Variants in PDE4D observed in about 807,000 individuals in gnomAD.
PDE4D encodes phosphodiesterase 4D.
Under a neutral mutation model 87.4 loss-of-function variants are expected in PDE4D, and 24 were observed. That is an observed-to-expected ratio of 0.27 (90% CI 0.20 to 0.39). PDE4D has a LOEUF of 0.39. Among genes scored for constraint, PDE4D ranks in the 10% least tolerant of loss-of-function variants. The probability of loss-of-function intolerance (pLI) is 1.00; values close to 1 mark genes in which losing one functional copy is unlikely to be tolerated. For missense variants in PDE4D, 714 were observed against 1,041.0 expected (o/e 0.69, Z 4.32); for synonymous variants, 384 against 383.2 (o/e 1.00, Z -0.02).
At chr5:59,970,691 A>C (rs1396292110) in intron 3 of PDE4D, among the ~76,000 whole-genome samples, 1 of 141,084 alleles carries the variant, frequency 7.1e-6, no homozygotes, top group Non-Finnish European at 1.6e-5. Flanking sequence ...GGTGATCATT[A>C]AAAAGTCAGG....
At chr5:60,112,972 T>C (rs1395969042) in intron 2 of PDE4D, among the ~76,000 whole-genome samples, 1 of 152,082 alleles carries the variant, frequency 6.6e-6, no homozygotes, top group Non-Finnish European at 1.5e-5. Context: ...AGGGTGAGGG[T>C]TGGGCATCCA....
At chr5:59,136,918 AG>A (rs1285386249) in intron 5 of PDE4D, among the ~76,000 whole-genome samples, 1 of 152,200 alleles carries the variant, frequency 6.6e-6, no homozygotes, top group African/African-American at 2.4e-5. Flanking sequence ...AGGGAAAGGT[AG>A]GGTGACCAAC....
At chr5:60,427,050 A>G (rs1743783574) in intron 1 of PDE4D, among the ~76,000 whole-genome samples, 1 of 152,212 alleles carries the variant, frequency 6.6e-6, no homozygotes, top group Admixed American at 6.5e-5. Flanking sequence ...AGATGAACTA[A>G]GATTTAGGAA....
chr5:59,806,578 T>A (rs1767758653), intron 1 of PDE4D, among the ~76,000 whole-genome samples: 1 of 152,248 alleles, frequency 6.6e-6, no homozygotes, highest in Admixed American at 6.5e-5. Flanking sequence ...TTTACAGAAA[T>A]ATTGCATTAC....
chr5:59,948,178 C>T (rs1281831313), intron 3 of PDE4D, among the ~76,000 whole-genome samples: 2 of 152,116 alleles, frequency 1.3e-5, no homozygotes. Context: ...AAAAGTCATC[C>T]AAAGCTAAAA....
At chr5:59,821,137 G>C (rs1049666304) in intron 1 of PDE4D, among the ~76,000 whole-genome samples, 4 of 152,086 alleles carry the variant, frequency 2.6e-5, no homozygotes, top group Non-Finnish European at 5.9e-5. Flanking sequence ...GGAGGCTGAG[G>C]CAGGAGAATC....
intron 1 of PDE4D, chr5:60,372,494 C>T (rs905153337): frequency 2.6e-5 from 4 of 152,258 alleles, no homozygotes; most frequent in Non-Finnish European, 1.5e-5. Context: ...CACCTGCTTC[C>T]CCCTTATAAA....
intron 1 of PDE4D, among the ~76,000 whole-genome samples, chr5:59,300,183 A>G (rs1224597671): frequency 6.6e-6 from 1 of 151,978 alleles, no homozygotes; most frequent in African/African-American, 2.4e-5. Context: ...ATGAATGAAA[A>G]ATACACTTTA....
At chr5:58,995,690 G>A (rs543719693) in intron 6 of PDE4D, among the ~76,000 whole-genome samples, 3 of 152,214 alleles carry the variant, frequency 2.0e-5, no homozygotes, top group African/African-American at 7.2e-5. Flanking sequence ...ATCATTGCAG[G>A]TCAGACAGAT....
At chr5:59,988,369 T>C (rs1323225720) in intron 3 of PDE4D, 2 of 565,702 alleles carry the variant, frequency 3.5e-6, no homozygotes, top group African/African-American at 3.7e-5. Flanking sequence ...TTTTTGACTC[T>C]AGAAACCCCA....
intron 2 of PDE4D, among the ~76,000 whole-genome samples, chr5:60,066,195 G>C (rs979458683): frequency 6.6e-6 from 1 of 152,118 alleles, no homozygotes; most frequent in African/African-American, 2.4e-5. Flanking sequence ...GTGATGATGA[G>C]CATTTTTTCA....
At chr5:59,621,478 A>T (rs968341948) in intron 1 of PDE4D, among the ~76,000 whole-genome samples, 1 of 152,200 alleles carries the variant, frequency 6.6e-6, no homozygotes, top group Admixed American at 6.5e-5. Flanking sequence ...TATGATCAGA[A>T]AGCAAACCTG....
At chr5:59,771,490 AG>A (rs1561637578) in intron 1 of PDE4D, among the ~76,000 whole-genome samples, 877 of 37,970 alleles carry the variant, frequency 0.023, 8 homozygotes, top group Middle Eastern at 0.05. Flanking sequence ...AGAAAGAGAG[AG>A]AGAGAGAGAA....
chr5:59,313,620 C>T (rs903011000), intron 1 of PDE4D, among the ~76,000 whole-genome samples: 1 of 152,128 alleles, frequency 6.6e-6, no homozygotes, highest in African/African-American at 2.4e-5. Context: ...GCTTGCACAA[C>T]AATATGCAGT....
chr5:59,425,727 ATTC>A (rs1795103809), intron 1 of PDE4D, among the ~76,000 whole-genome samples: 1 of 152,196 alleles, frequency 6.6e-6, no homozygotes, highest in African/African-American at 2.4e-5. Flanking sequence ...AATGGGACGT[ATTC>A]TTCTCCGCAA....
Position 59,217,106 on chromosome 5 carries a change from G to A in PDE4D, c.456-1138C>T, listed in dbSNP as rs1165811160. The stretch of plus-strand genomic sequence containing the variant: ...AAAATCTACACACACAGTTCTTAAC[G>A]TCATAGTCCTTATAATCTAGATAAA... On this transcript the variant is annotated intron_variant, in intron 1 of 14. Transcript: ENST00000340635. The A allele has an allele frequency of 4.8e-5, 21 of 435,298 alleles. No homozygotes were observed. The East Asian group carries it at 1.2e-3, about 25-fold the overall frequency. The allele number at this position is 435,298 out of a possible 1,614,324, so 27.0% of individuals were successfully genotyped here. A position where few individuals can be genotyped will look rare whatever the true frequency, so the allele number is the denominator to read the frequency against.
chr5:59,508,150 T>C (rs968520721), intron 1 of PDE4D, among the ~76,000 whole-genome samples: 3 of 152,114 alleles, frequency 2.0e-5, no homozygotes, highest in African/African-American at 7.2e-5. Context: ...TACCAATTCT[T>C]TGGGTTCCAG....
At chr5:60,020,104 A>G (rs576340373) in intron 2 of PDE4D, among the ~76,000 whole-genome samples, 1 of 152,264 alleles carries the variant, frequency 6.6e-6, no homozygotes, top group African/African-American at 2.4e-5. Flanking sequence ...CTCAGAGAAT[A>G]GGGAGGTTTG....
intron 1 of PDE4D, among the ~76,000 whole-genome samples, chr5:60,382,973 C>G (rs1379851597): frequency 6.6e-6 from 1 of 152,070 alleles, no homozygotes; most frequent in Non-Finnish European, 1.5e-5. Context: ...AAAGCTCCCC[C>G]ATGTGTGCGC....
Sources: allele counts gnomAD v4.1 joint callset (sites outside exome capture counted in the v4.1 genomes callset), GRCh38; gene constraint gnomAD v4.1.1; transcripts MANE v1.5; gene names NCBI Gene and HGNC (gene_info 2026-07-23, HGNC 2026-07-21).